DSG4: variants seen among roughly 807,000 people sequenced by gnomAD.
DSG4 encodes the protein desmoglein 4.
In DSG4, 87 loss-of-function variants were observed where a neutral mutation model predicts 93.1. That is an observed-to-expected ratio of 0.93 (90% CI 0.79 to 1.12). DSG4 has a LOEUF of 1.12. DSG4 is among the 50% of genes most tolerant of loss of function. DSG4 has a pLI of 0.00. For missense variants in DSG4, 1,373 were observed against 1,285.7 expected (o/e 1.07, Z -1.04); for synonymous variants, 432 against 452.9 (o/e 0.95, Z 0.59).
intron 8 of DSG4, among the ~76,000 whole-genome samples, chr18:31,395,271 T>TA (rs10708419): frequency 4.3e-3 from 559 of 130,152 alleles, no homozygotes; most frequent in African/African-American, 4.1e-3. Context: ...ACTTAATTGC[T>TA]AAAAAAAAAA....
At chr18:31,397,498 G>A (rs1218979763) in intron 8 of DSG4, among the ~76,000 whole-genome samples, 1 of 152,114 alleles carries the variant, frequency 6.6e-6, no homozygotes, top group Non-Finnish European at 1.5e-5. Flanking sequence ...CGAAGAATGA[G>A]TAAACAATTT....
At position 31,413,088 on chromosome 18, in the gene DSG4, A is replaced by T; in HGVS notation, c.2616A>T (p.Gly872=). ...IPISTDLPLL[G]PNYFVNESSG... ...TCAGTACTGACCTCCCTTTGCTCGG[A>T]CCTAATTACTTTGTTAATGAATCTT... The change falls in exon 16 of 16, where the codon GGA becomes GGT. Residue 872 remains glycine, a synonymous_variant. Coordinates refer to ENST00000308128, the MANE Select transcript of DSG4 (RefSeq NM_177986.5). 1 of 1,614,096 alleles carries T rather than the reference A, an allele frequency of 6.2e-7. No homozygotes were observed. The highest frequency in any genetic ancestry group is 1.3e-5 in the African/African-American group (1 of 75,006).
chr18:31,387,044 G>A (rs945419498), intron 3 of DSG4, among the ~76,000 whole-genome samples: 2 of 152,158 alleles, frequency 1.3e-5, no homozygotes, highest in African/African-American at 4.8e-5. Context: ...TGGATCTCCA[G>A]CACAACTGGG....
chr18:31,409,685 T>G lies in DSG4; in HGVS notation c.2074-60T>G. 3 of 1,613,976 alleles carry G rather than the reference T, an allele frequency of 1.9e-6. 1 individual carries two copies. Among genetic ancestry groups the G allele is most frequent in the Non-Finnish European group, 2.5e-6 (3 of 1,179,802 alleles). On this transcript the variant is annotated intron_variant, in intron 13 of 15. Coordinates refer to ENST00000308128, the MANE Select transcript of DSG4 (RefSeq NM_177986.5). ...CATGCTGCACAAAAATGAACAGATG[T>G]CAGTTTTTAAATGTTTAACATAAAG... is the stretch of plus-strand genomic sequence containing the variant.
chr18:31,400,847 A>C, intron 9 of DSG4, 34 bp from the exon 10 acceptor site: 1 of 1,608,524 alleles, frequency 6.2e-7, no homozygotes, highest in Non-Finnish European at 8.5e-7. Flanking sequence ...ACTTTCATAA[A>C]AGCATGATAA....
chr18:31,399,615 G>T, intron 9 of DSG4, 72 bp downstream of exon 9: 1 of 1,596,744 alleles, frequency 6.3e-7, no homozygotes, highest in Non-Finnish European at 8.6e-7. Context: ...GCTAATATAT[G>T]TTGGTTGTAA....
intron 8 of DSG4, among the ~76,000 whole-genome samples, chr18:31,397,329 T>G (rs1401455529): frequency 6.6e-6 from 1 of 152,096 alleles, no homozygotes; most frequent in Non-Finnish European, 1.5e-5. Flanking sequence ...TGTTAAGTGG[T>G]TATTCCTCAT....
In DSG4 at chr18:31,390,602, G is replaced by C. The variant is rs113079560; in HGVS notation, c.518-54G>C. 2.3e-5 allele frequency: 37 copies of C among 1,605,522 alleles called. No homozygotes were observed. In the African/African-American group the frequency reaches 2.4e-4, roughly 10 times the overall value. The stretch of plus-strand genomic sequence containing the variant: ...TCTGTCTTCTTATGCCTAATGATTT[G>C]CTGAATTTATTCTAAGAGTCCCAAC... On this transcript the variant is annotated intron_variant, in intron 5 of 15. Coordinates refer to ENST00000308128, the MANE Select transcript of DSG4 (RefSeq NM_177986.5).
At chr18:31,404,689 A>C (rs1315538198) in intron 11 of DSG4, among the ~76,000 whole-genome samples, 2 of 152,224 alleles carry the variant, frequency 1.3e-5, no homozygotes, top group African/African-American at 4.8e-5. Context: ...TTTTACCATC[A>C]AACCTTTAGC....
chr18:31,402,046 C>T (rs2072373729), intron 10 of DSG4, among the ~76,000 whole-genome samples: 1 of 152,276 alleles, frequency 6.6e-6, no homozygotes, highest in Non-Finnish European at 1.5e-5. Flanking sequence ...ATGTTGATTG[C>T]ACCCTATGTT....
At chr18:31,401,606 A>G (rs1322061222) in intron 10 of DSG4, 1 of 152,222 alleles carries the variant, frequency 6.6e-6, no homozygotes, top group Non-Finnish European at 1.5e-5. Flanking sequence ...CACCTCTCAC[A>G]TGGGTAAATC....
chr18:31,386,803 G>T lies in DSG4; in HGVS notation c.200G>T (p.Arg67Met). 6.2e-7 allele frequency: 1 copy of T among 1,613,254 alleles called. No individual in the cohort carries two copies. Among genetic ancestry groups the T allele is most frequent in the Non-Finnish European group, 8.5e-7 (1 of 1,179,342 alleles). ...ACREGEDNSK[R>M]NPIAKIRSDC... ...CGAGAAGGAGAGGACAACTCGAAGAGGAACCCCATTGCCAAAGTAAGTGAT... is the reference window on the plus strand; with the variant it reads ...CGAGAAGGAGAGGACAACTCGAAGATGAACCCCATTGCCAAAGTAAGTGAT... Residue 67 changes from arginine to methionine, a missense_variant, in exon 3 of 16, where the codon AGG becomes ATG. Physicochemically the swap from Arg to Met is moderately conservative, Grantham distance 91 (BLOSUM62 -1). Transcript: ENST00000308128.
chr18:31,392,381 T>G, intron 8 of DSG4, 41 bp downstream of exon 8: 6 of 1,598,454 alleles, frequency 3.8e-6, no homozygotes, highest in African/African-American at 1.3e-5. Flanking sequence ...CCAAAATATT[T>G]TATTCCAAAG....
In DSG4 at chr18:31,413,072, A is replaced by C; in HGVS notation, c.2600A>C (p.Asp867Ala). The change falls in exon 16 of 16, where the codon GAC (aspartate) becomes GCC (alanine). Residue 867 changes from aspartate (D) to alanine (A), a missense_variant. Transcript: ENST00000308128. Reference protein sequence around the residue: ...SHQACIPISTDLPLLGPNYFV... With the variant: ...SHQACIPISTALPLLGPNYFV... ...CAGGCTTGTATACCAATCAGTACTG[A>C]CCTCCCTTTGCTCGGACCTAATTAC... The C allele has an allele frequency of 6.2e-7, 1 of 1,613,810 alleles. No individual in the cohort carries two copies. The highest frequency in any genetic ancestry group is 8.5e-7 in the Non-Finnish European group (1 of 1,179,998).
rs372217646 is a variant in DSG4, at chr18:31,414,644, G to A, written c.*1049G>A. ...ATAAAACTCTGGGATATGGCTTTAA[G>A]TTCCTAACAACAATAATTAACCAAC... On this transcript the variant is annotated 3_prime_UTR_variant, in exon 16 of 16. Coordinates refer to ENST00000308128, the MANE Select transcript of DSG4 (RefSeq NM_177986.5). The A allele has an allele frequency of 6.4e-4, 98 of 152,256 alleles. No individual in the cohort carries two copies. The highest frequency in any genetic ancestry group is 2.3e-3 in the African/African-American group (94 of 41,546). 9.4% of individuals were successfully genotyped at this position (152,256 alleles called of 1,614,324 possible). A position where few individuals can be genotyped will look rare whatever the true frequency, so the allele number is the denominator to read the frequency against.
chr18:31,378,775 C>A (rs370420973), intron 1 of DSG4, among the ~76,000 whole-genome samples: 1 of 152,096 alleles, frequency 6.6e-6, no homozygotes, highest in Non-Finnish European at 1.5e-5. Context: ...AGACTTCTGG[C>A]ATATTTCAAA....
rs2072257649 is a variant in DSG4 at position 31,392,213 on chromosome 18, T to C, written c.878T>C (p.Ile293Thr). ...TCGGAACTGATACGATTACAAGCAA[T>C]TGATCTTGATGAAGAAGGCACTGAT... The part of the protein sequence containing the change: ...LSSELIRLQA[I>T]DLDEEGTDNW... Residue 293 changes from isoleucine to threonine, a missense_variant, in exon 8 of 16, where the codon ATT becomes ACT. Coordinates refer to ENST00000308128, the MANE Select transcript of DSG4 (RefSeq NM_177986.5). The C allele has an allele frequency of 1.9e-6, 3 of 1,613,690 alleles. No individual in the cohort carries two copies. The highest frequency in any genetic ancestry group is 2.5e-6 in the Non-Finnish European group (3 of 1,179,870).
intron 1 of DSG4, among the ~76,000 whole-genome samples, chr18:31,377,685 G>C (rs1229893374): frequency 6.6e-6 from 1 of 152,154 alleles, no homozygotes; most frequent in African/African-American, 2.4e-5. Flanking sequence ...TCCTACCCTA[G>C]AAAGAGATAA....
Position 31,388,438 on chromosome 18 carries a change from A to G in DSG4, c.288A>G (p.Pro96=). 1.2e-6 allele frequency: 2 copies of G among 1,613,584 alleles called. No individual in the cohort carries two copies. The highest frequency in any genetic ancestry group is 1.7e-6 in the Non-Finnish European group (2 of 1,179,644). The change falls in exon 4 of 16, where the codon CCA becomes CCG. Residue 96 remains proline, a synonymous_variant. Coordinates refer to ENST00000308128, the MANE Select transcript of DSG4 (RefSeq NM_177986.5). ...RISGVGIDRP[P]YGVFTINPRT... is the part of the protein sequence containing the mutation. The stretch of plus-strand genomic sequence containing the variant: ...CTGGAGTAGGGATTGATCGACCACC[A>G]TATGGGGTATTCACCATTAATCCTC...
Sources: allele counts gnomAD v4.1 joint callset (sites outside exome capture counted in the v4.1 genomes callset), GRCh38; gene constraint gnomAD v4.1.1; transcripts MANE v1.5; gene names NCBI Gene and HGNC (gene_info 2026-07-23, HGNC 2026-07-21).